Variants in MOSMO observed in about 807,000 individuals in gnomAD.
MOSMO encodes the protein modulator of smoothened, also known as modulator of smoothened protein.
MOSMO carries 5 observed loss-of-function variants against 18.4 expected under a neutral mutation model. The observed-to-expected ratio is 0.27, with a 90% confidence interval of 0.14 to 0.57. The LOEUF (loss-of-function observed/expected upper bound fraction) is 0.57. Ranked by LOEUF, MOSMO falls within the 20% of genes least tolerant of loss-of-function variation. The probability of loss-of-function intolerance (pLI) is 0.92; values close to 1 mark genes in which losing one functional copy is unlikely to be tolerated. For synonymous variants in MOSMO, 82 were observed against 82.3 expected, an observed-to-expected ratio of 1.00 and a Z score of 0.02; for missense variants, 138 against 211.8, an observed-to-expected ratio of 0.65 and a Z score of 2.16.
chr16:22,051,894 C>T (rs1900434503), intron 1 of MOSMO, among the ~76,000 whole-genome samples: 1 of 152,016 alleles, frequency 6.6e-6, no homozygotes, highest in African/African-American at 2.4e-5. Context: ...GGCTGGTGTC[C>T]ACTGCTTGGT....
intron 1 of MOSMO, among the ~76,000 whole-genome samples, chr16:22,048,331 G>A (rs1162957085): frequency 6.6e-6 from 1 of 152,216 alleles, no homozygotes; most frequent in African/African-American, 2.4e-5. Context: ...ACTGGGATAT[G>A]TTAACACTGT....
rs1188647688 is a variant in MOSMO, at chr16:22,081,732, AC to A, written c.*854del. 6.6e-6 allele frequency: 1 copy of A among 151,818 alleles called. No individual in the cohort carries two copies. The highest frequency in any genetic ancestry group is 1.5e-5 in the Non-Finnish European group (1 of 67,942). 9.4% of individuals were successfully genotyped at this position (151,818 alleles called of 1,614,324 possible). A position where few individuals can be genotyped will look rare whatever the true frequency, so the allele number is the denominator to read the frequency against. Reference sequence around the variant, plus strand: ...GCTAGCAAAACACTGTGGTGTGCAAACCTAGAACCCAATAGAAAAAAAAGCC... The same window carrying A: ...GCTAGCAAAACACTGTGGTGTGCAAACTAGAACCCAATAGAAAAAAAAGCC... On this transcript the variant is annotated 3_prime_UTR_variant, in exon 3 of 3. Coordinates refer to ENST00000542527, the MANE Select transcript of MOSMO (RefSeq NM_001164579.2).
intron 1 of MOSMO, among the ~76,000 whole-genome samples, chr16:22,049,816 T>C (rs1034399245): frequency 6.6e-6 from 1 of 152,212 alleles, no homozygotes; most frequent in Non-Finnish European, 1.5e-5. Flanking sequence ...TTATAAATGT[T>C]AAGCCAGTTA....
intron 1 of MOSMO, among the ~76,000 whole-genome samples, chr16:22,047,003 C>T (rs2141738818): frequency 6.6e-6 from 1 of 152,162 alleles, no homozygotes; most frequent in Non-Finnish European, 1.5e-5. Flanking sequence ...ATAGGACTCG[C>T]TCATCCCTAC....
At chr16:22,048,138 C>T (rs1900351685) in intron 1 of MOSMO, among the ~76,000 whole-genome samples, 1 of 152,152 alleles carries the variant, frequency 6.6e-6, no homozygotes, top group Non-Finnish European at 1.5e-5. Flanking sequence ...TGTAGCATAG[C>T]AAATAACACA....
intron 2 of MOSMO, among the ~76,000 whole-genome samples, chr16:22,078,275 A>T (rs940438668): frequency 1.6e-4 from 24 of 152,184 alleles, no homozygotes; most frequent in Admixed American, 1.6e-3. Context: ...TCAAAGTTTG[A>T]TATTATCAGC....
At chr16:22,038,380 G>A (rs539926565) in intron 1 of MOSMO, among the ~76,000 whole-genome samples, 4 of 152,280 alleles carry the variant, frequency 2.6e-5, no homozygotes, top group South Asian at 4.1e-4. Flanking sequence ...AACATCCATC[G>A]TAATGAGAAG....
At chr16:22,060,134 G>A (rs1484637507) in intron 1 of MOSMO, among the ~76,000 whole-genome samples, 1 of 151,980 alleles carries the variant, frequency 6.6e-6, no homozygotes, top group Admixed American at 6.5e-5. Flanking sequence ...CCGAGATTGC[G>A]CCACTGCACT....
downstream of MOSMO, among the ~76,000 whole-genome samples, chr16:22,091,422 A>G (rs969261953): frequency 6.6e-5 from 10 of 152,134 alleles, no homozygotes; most frequent in Non-Finnish European, 1.3e-4. Context: ...CTTGCTCTGT[A>G]GCCCAGGCTG....
intron 1 of MOSMO, among the ~76,000 whole-genome samples, chr16:22,050,911 T>C (rs1201072272): frequency 7.2e-6 from 1 of 138,958 alleles, no homozygotes; most frequent in Non-Finnish European, 1.6e-5. Context: ...AAAAAGTGAA[T>C]GCTGCTGAGG....
chr16:22,083,589 A>G lies in MOSMO; in HGVS notation c.*2709A>G, dbSNP rs1901120234. On this transcript the variant is annotated 3_prime_UTR_variant, in exon 3 of 3. Transcript: ENST00000542527. ...ATATAGTACAGTATTAATTTATAGC[A>G]GGAAATCGTATCTTGTAAACTGTAT... is the stretch of plus-strand genomic sequence containing the variant. 2.3e-6 allele frequency: 1 copy of G among 439,590 alleles called. No homozygotes were observed. Among genetic ancestry groups the G allele is most frequent in the Non-Finnish European group, 4.5e-6 (1 of 223,462 alleles). 27.2% of individuals were successfully genotyped at this position (439,590 alleles called of 1,614,324 possible). A position where few individuals can be genotyped will look rare whatever the true frequency, so the allele number is the denominator to read the frequency against.
At chr16:22,025,724 C>T (rs940439098) in intron 1 of MOSMO, among the ~76,000 whole-genome samples, 2 of 152,076 alleles carry the variant, frequency 1.3e-5, no homozygotes, top group Admixed American at 1.3e-4. Context: ...GGTAACAAAC[C>T]CCCTACAACA....
downstream of MOSMO, chr16:22,086,912 AAGAC>A (rs1400756155): frequency 2.6e-5 from 4 of 152,326 alleles, no homozygotes; most frequent in East Asian, 7.7e-4. Context: ...GGAGATTTGA[AAGAC>A]AGAGTCATCA....
At chr16:22,039,794 C>T (rs1051580631) in intron 1 of MOSMO, among the ~76,000 whole-genome samples, 3 of 152,154 alleles carry the variant, frequency 2.0e-5, no homozygotes, top group African/African-American at 4.8e-5. Flanking sequence ...CCTTCCCTAA[C>T]CACCCTGAAT....
In MOSMO at chr16:22,054,835, AT is replaced by A. The variant is rs201517656; in HGVS notation, c.107-20643del. Among the ~76,000 whole-genome samples, 135 of 151,468 alleles carry A rather than the reference AT, an allele frequency of 8.9e-4. 2 individuals are homozygous for A. The highest frequency in any genetic ancestry group is 8.7e-3 in the Admixed American group (132 of 15,188). On this transcript the variant is annotated intron_variant, in intron 1 of 2. Coordinates refer to ENST00000542527, the MANE Select transcript of MOSMO (RefSeq NM_001164579.2). ...TCTTTTTCCTTAAGACTGTTCACAG[AT>A]TTTTTTTTCACATTTTCATTTTAGA...
intron 1 of MOSMO, among the ~76,000 whole-genome samples, chr16:22,026,039 G>GACCT (rs777898780): frequency 1.8e-4 from 28 of 151,780 alleles, no homozygotes; most frequent in Non-Finnish European, 2.9e-4. Flanking sequence ...AGGGGTATTT[G>GACCT]ACCTACCCAT....
chr16:22,015,542 T>A (rs1017057926), intron 1 of MOSMO, among the ~76,000 whole-genome samples: 3 of 152,292 alleles, frequency 2.0e-5, no homozygotes, highest in Non-Finnish European at 4.4e-5. Context: ...TGTGATTTTT[T>A]AAAAAGTGAC....
chr16:22,030,424 C>T (rs1899970052), intron 1 of MOSMO, among the ~76,000 whole-genome samples: 1 of 152,208 alleles, frequency 6.6e-6, no homozygotes, highest in African/African-American at 2.4e-5. Context: ...TTTCCTTTTG[C>T]AAACTTCCTT....
rs529579347 is a variant in MOSMO at position 22,009,836 on chromosome 16, A to G, written c.106+1429A>G. Among the ~76,000 whole-genome samples the G allele has an allele frequency of 6.7e-4, 81 of 121,328 alleles. 1 individual carries two copies. In the South Asian group the frequency reaches 0.015, roughly 22 times the overall value. The allele number at this position is 121,328 out of a possible 152,430, so 79.6% of individuals were successfully genotyped here. A position where few individuals can be genotyped will look rare whatever the true frequency, so the allele number is the denominator to read the frequency against. On this transcript the variant is annotated intron_variant, in intron 1 of 2. Coordinates refer to ENST00000542527, the MANE Select transcript of MOSMO (RefSeq NM_001164579.2). ...AAAAAAAAAAAAAAAAAAAAAAAAAAAGAGAATTAGCCGGGCATGGTGGCG... is the reference window on the plus strand; with the variant it reads ...AAAAAAAAAAAAAAAAAAAAAAAAAGAGAGAATTAGCCGGGCATGGTGGCG...
Sources: gnomAD v4.1 joint callset for allele counts (sites outside exome capture counted in the v4.1 genomes callset) on GRCh38, gnomAD v4.1.1 for gene constraint, MANE v1.5 for transcripts, NCBI Gene and HGNC (gene_info 2026-07-23, HGNC 2026-07-21) for gene names.